The following DERA variants were observed in gnomAD, a reference collection of about 807,000 sequenced individuals.
DERA encodes the protein deoxyribose-phosphate aldolase, also known as 2-deoxy-D-ribose 5-phosphate aldolase.
In DERA, 15 loss-of-function variants were observed where a neutral mutation model predicts 41.1. That is an observed-to-expected ratio of 0.37 (90% confidence interval 0.24 to 0.56). The LOEUF is 0.56. Ranked by LOEUF, DERA falls within the 20% of genes least tolerant of loss-of-function variation. DERA has a pLI of 0.81. For synonymous variants in DERA, 139 were observed against 137.4 expected (o/e 1.01, Z -0.08); for missense variants, 396 against 403.4 (o/e 0.98, Z 0.16).
chr12:16,002,974 C>T (rs1956879381), intron 6 of DERA, among the ~76,000 whole-genome samples: 1 of 152,236 alleles, frequency 6.6e-6, no homozygotes, highest in Admixed American at 6.5e-5. Context: ...TTGAGACCCA[C>T]TCCTTATGCT....
Position 16,012,659 on chromosome 12 carries a change from A to G in DERA, c.638-19883A>G, listed in dbSNP as rs1052979654. 6.6e-6 allele frequency among the ~76,000 whole-genome samples: 1 copy of G among 152,170 alleles called. No homozygotes were observed. Among genetic ancestry groups the G allele is most frequent in the Non-Finnish European group, 1.5e-5 (1 of 68,026 alleles). On this transcript the variant is annotated intron_variant, in intron 6 of 8. Transcript: ENST00000428559. The surrounding 1 kb of genome is among the most constrained non-coding windows in gnomAD (Gnocchi z 4.1). ...TAGGCAGAATTAAGCCTTTTTTCTC[A>G]ATAAATTTTAAACCAACATTTTAAA...
Position 15,916,870 on chromosome 12 carries a change from C to T in DERA, c.31+5456C>T, listed in dbSNP as rs183557414. ...CAAGCAGTTCTCCCTCTGTGGCCTC[C>T]CAAGTGGCTGGGACTATAGGCTGTA... On this transcript the variant is annotated intron_variant, in intron 1 of 8. Transcript: ENST00000428559. 2.0e-5 allele frequency among the ~76,000 whole-genome samples: 3 copies of T among 152,244 alleles called. No individual in the cohort carries two copies. The East Asian group carries it at 5.8e-4, about 29-fold the overall frequency.
intron 6 of DERA, among the ~76,000 whole-genome samples, chr12:16,006,427 C>T (rs995552619): frequency 2.6e-5 from 4 of 152,170 alleles, no homozygotes; most frequent in African/African-American, 4.8e-5. Flanking sequence ...CTGTCTGGGA[C>T]GAAAATCAAG....
chr12:15,936,157 A>C lies in DERA; in HGVS notation c.32-20779A>C, dbSNP rs1429437312. 6.6e-6 allele frequency among the ~76,000 whole-genome samples: 1 copy of C among 152,226 alleles called. No individual in the cohort carries two copies. Among genetic ancestry groups the C allele is most frequent in the South Asian group, 2.1e-4 (1 of 4,834 alleles). On this transcript the variant is annotated intron_variant, in intron 1 of 8. Coordinates refer to ENST00000428559, the MANE Select transcript of DERA (RefSeq NM_015954.4). This position sits in a 1 kb window ranked among gnomAD's most constrained non-coding sequence, Gnocchi z 4.6. ...ATTTCCACAATCTCCACTTGGTTAC[A>C]TAGGTCAGCTCTGTTAATTATGGAA...
At chr12:15,986,724 G>GA (rs1948766667) in intron 6 of DERA, among the ~76,000 whole-genome samples, 1 of 152,058 alleles carries the variant, frequency 6.6e-6, no homozygotes, top group African/African-American at 2.4e-5. Context: ...CATTAACAAA[G>GA]AAAAAACTAA....
intron 6 of DERA, among the ~76,000 whole-genome samples, chr12:16,027,136 A>T (rs1215342044): frequency 6.6e-6 from 1 of 152,206 alleles, no homozygotes; most frequent in Non-Finnish European, 1.5e-5. Context: ...AGAGGGAAAT[A>T]TCTTCAACTT....
In DERA at chr12:15,924,156, G is replaced by A. The variant is rs1199952339; in HGVS notation, c.31+12742G>A. Among the ~76,000 whole-genome samples, 1 of 152,164 alleles carries A rather than the reference G, an allele frequency of 6.6e-6. No homozygotes were observed. The highest frequency in any genetic ancestry group is 1.5e-5 in the Non-Finnish European group (1 of 68,026). ...TAAAATTATATATGTGGTTGGGTTA[G>A]GTGGCTTATGCCTGTAATCCTAACT... On this transcript the variant is annotated intron_variant, in intron 1 of 8. Transcript: ENST00000428559. This position sits in a 1 kb window ranked among gnomAD's most constrained non-coding sequence, Gnocchi z 5.0.
intron 6 of DERA, among the ~76,000 whole-genome samples, chr12:16,027,120 A>G (rs1395885948): frequency 6.6e-6 from 1 of 152,206 alleles, no homozygotes; most frequent in Non-Finnish European, 1.5e-5. Flanking sequence ...TCGGCAAACT[A>G]GAAATAGAGG....
At position 16,002,140 on chromosome 12, in the gene DERA, CTT is replaced by C. The variant is rs1948879804; in HGVS notation, c.637+19705_637+19706del. 2.8e-5 allele frequency among the ~76,000 whole-genome samples: 4 copies of C among 143,612 alleles called. No individual in the cohort carries two copies. In the South Asian group the frequency reaches 7.4e-4, roughly 27 times the overall value. The allele number at this position is 143,612 out of a possible 152,430, so 94.2% of individuals were successfully genotyped here. On this transcript the variant is annotated intron_variant, in intron 6 of 8. Coordinates refer to ENST00000428559, the MANE Select transcript of DERA (RefSeq NM_015954.4). ...CTAATGCTATCCCTCCCCCCTCCCC[CTT>C]CCCCACAACAGCCCTGGTGTGTGAT...
At chr12:16,025,602 T>G (rs1949048217) in intron 6 of DERA, among the ~76,000 whole-genome samples, 1 of 152,128 alleles carries the variant, frequency 6.6e-6, no homozygotes, top group South Asian at 2.1e-4. Flanking sequence ...TCTACTATTG[T>G]AGCTGGAAAC....
In DERA at chr12:15,960,903, C is replaced by T. The variant is rs542355836; in HGVS notation, c.373+979C>T. 5.9e-5 allele frequency among the ~76,000 whole-genome samples: 9 copies of T among 152,240 alleles called. No individual in the cohort carries two copies. In the South Asian group the frequency reaches 1.7e-3, roughly 28 times the overall value. On this transcript the variant is annotated intron_variant, in intron 4 of 8. Transcript: ENST00000428559. ...ACTGGAAAAGGTTTGCTGTTGTTGA[C>T]TACAAAGGCAGGGCTCTGAAGACAG...
At position 15,999,768 on chromosome 12, in the gene DERA, T is replaced by G. The variant is rs981434706; in HGVS notation, c.637+17332T>G. 4.6e-5 allele frequency among the ~76,000 whole-genome samples: 7 copies of G among 152,160 alleles called. No homozygotes were observed. Among genetic ancestry groups the G allele is most frequent in the Non-Finnish European group, 1.0e-4 (7 of 68,010 alleles). On this transcript the variant is annotated intron_variant, in intron 6 of 8. Coordinates refer to ENST00000428559, the MANE Select transcript of DERA (RefSeq NM_015954.4). This position sits in a 1 kb window ranked among gnomAD's most constrained non-coding sequence, Gnocchi z 5.3. The stretch of plus-strand genomic sequence containing the variant: ...AATGAATGATTGACTGAGTAACTCA[T>G]TCATTCATTCATTTATTCAGTCGTT...
In DERA at chr12:15,988,446, C is replaced by G. The variant is rs1332364048; in HGVS notation, c.637+6010C>G. Among the ~76,000 whole-genome samples, 2 of 152,196 alleles carry G rather than the reference C, an allele frequency of 1.3e-5. No individual in the cohort carries two copies. The highest frequency in any genetic ancestry group is 4.8e-5 in the African/African-American group (2 of 41,456). On this transcript the variant is annotated intron_variant, in intron 6 of 8. Transcript: ENST00000428559. This position sits in a 1 kb window ranked among gnomAD's most constrained non-coding sequence, Gnocchi z 6.0. ...AGGTCATCCCAACAAGTGTCCAGCT[C>G]TCAGTAGAGAGGAGACCTGTAGTGG...
chr12:15,984,725 A>G lies in DERA; in HGVS notation c.637+2289A>G, dbSNP rs1230657567. On this transcript the variant is annotated intron_variant, in intron 6 of 8. Transcript: ENST00000428559. This position sits in a 1 kb window ranked among gnomAD's most constrained non-coding sequence, Gnocchi z 4.5. ...GATTTTATCATGAATGAAAGACACA[A>G]TCTTTGTGAGGCATAATATATGAAA... 2.6e-5 allele frequency among the ~76,000 whole-genome samples: 4 copies of G among 152,200 alleles called. No homozygotes were observed. The highest frequency in any genetic ancestry group is 5.9e-5 in the Non-Finnish European group (4 of 68,026).
Position 15,992,342 on chromosome 12 carries a change from T to C in DERA, c.637+9906T>C, listed in dbSNP as rs530237121. Among the ~76,000 whole-genome samples the C allele has an allele frequency of 6.6e-6, 1 of 152,150 alleles. No homozygotes were observed. The highest frequency in any genetic ancestry group is 1.5e-5 in the Non-Finnish European group (1 of 67,964). Reference sequence around the variant, plus strand: ...ATGTTATTTTAGAGGGCAACTCTTATTTTAGTTGAACAAAAAGAGAGACAA... The same window carrying C: ...ATGTTATTTTAGAGGGCAACTCTTACTTTAGTTGAACAAAAAGAGAGACAA... On this transcript the variant is annotated intron_variant, in intron 6 of 8. Coordinates refer to ENST00000428559, the MANE Select transcript of DERA (RefSeq NM_015954.4). The surrounding 1 kb of genome is among the most constrained non-coding windows in gnomAD (Gnocchi z 4.3).
chr12:15,990,015 CAA>C lies in DERA; in HGVS notation c.637+7581_637+7582del, dbSNP rs1322607454. Among the ~76,000 whole-genome samples, 1 of 152,144 alleles carries C rather than the reference CAA, an allele frequency of 6.6e-6. No individual in the cohort carries two copies. Among genetic ancestry groups the C allele is most frequent in the African/African-American group, 2.4e-5 (1 of 41,446 alleles). On this transcript the variant is annotated intron_variant, in intron 6 of 8. Transcript: ENST00000428559. The surrounding 1 kb of genome is among the most constrained non-coding windows in gnomAD (Gnocchi z 4.3). ...AAATAAATTAATCTGGTTATCAATT[CAA>C]ATGCAGCAAGGTATGTGAGTGCATC...
In DERA at chr12:16,036,515, C is replaced by A; in HGVS notation, c.900+134C>A. 2.6e-6 allele frequency: 3 copies of A among 1,166,312 alleles called. No individual in the cohort carries two copies. The highest frequency in any genetic ancestry group is 2.8e-4 in the Middle Eastern group (1 of 3,558). 72.2% of individuals were successfully genotyped at this position (1,166,312 alleles called of 1,614,324 possible). A position where few individuals can be genotyped will look rare whatever the true frequency, so the allele number is the denominator to read the frequency against. On this transcript the variant is annotated intron_variant, in intron 8 of 8. Coordinates refer to ENST00000428559, the MANE Select transcript of DERA (RefSeq NM_015954.4). This position sits in a 1 kb window ranked among gnomAD's most constrained non-coding sequence, Gnocchi z 4.9. ...CCTACCCAATCCTCTACCTTTTCTT[C>A]CAAGCAAACCGCCATCAGAAGTGAG...
intron 1 of DERA, among the ~76,000 whole-genome samples, chr12:15,948,765 G>T (rs944254804): frequency 6.6e-6 from 1 of 152,216 alleles, no homozygotes; most frequent in African/African-American, 2.4e-5. Context: ...TTTGGACGGG[G>T]AGAGGCACTC....
At chr12:15,934,085 A>G (rs1834255321) in intron 1 of DERA, among the ~76,000 whole-genome samples, 1 of 152,192 alleles carries the variant, frequency 6.6e-6, no homozygotes, top group Admixed American at 6.5e-5. Flanking sequence ...TTAGTGGTTC[A>G]TAAATTGTTA....
Sources: allele counts gnomAD v4.1 joint callset (sites outside exome capture counted in the v4.1 genomes callset), GRCh38; gene constraint gnomAD v4.1.1; non-coding constraint Gnocchi (gnomAD v3.1); transcripts MANE v1.5; gene names NCBI Gene and HGNC (gene_info 2026-07-23, HGNC 2026-07-21).